KLRG1: variants seen among roughly 807,000 people sequenced by gnomAD.
The protein encoded by KLRG1 is killer cell lectin-like receptor subfamily G member 1.
Under a neutral mutation model 21.8 loss-of-function variants are expected in KLRG1, and 16 were observed. The ratio of observed to expected loss-of-function variants is 0.73; its 90% CI spans 0.50 to 1.11. The LOEUF (loss-of-function observed/expected upper bound fraction) is 1.11, where lower values mean the gene tolerates loss of function less well. Among genes scored for constraint, KLRG1 ranks in the 50% most tolerant of loss-of-function variants. The pLI is 0.00. For synonymous variants in KLRG1, 69 were observed against 75.9 expected, an observed-to-expected ratio of 0.91 and a Z score of 0.47; for missense variants, 173 against 218.3, an observed-to-expected ratio of 0.79 and a Z score of 1.31.
the KLRG1 span, among the ~76,000 whole-genome samples, chr12:9,054,124 C>T: frequency 1.3e-5 from 2 of 152,222 alleles, no homozygotes; most frequent in Admixed American, 6.5e-5. Context: ...TTATTGTGCA[C>T]TGGTCATACG....
chr12:9,191,057 A>T, the KLRG1 span, among the ~76,000 whole-genome samples: 509 of 152,260 alleles, frequency 3.3e-3, 4 homozygotes, highest in African/African-American at 0.012. Context: ...ATTTTTTCCA[A>T]TTGTTGACTC....
chr12:9,120,145 A>G, the KLRG1 span, among the ~76,000 whole-genome samples: 2 of 152,216 alleles, frequency 1.3e-5, no homozygotes, highest in African/African-American at 4.8e-5. Flanking sequence ...TTTGAATGCT[A>G]ATGGCTGAGG....
At chr12:9,099,137 A>G in the KLRG1 span, among the ~76,000 whole-genome samples, 2 of 152,154 alleles carry the variant, frequency 1.3e-5, no homozygotes, top group African/African-American at 2.4e-5. Flanking sequence ...TCATCATAGA[A>G]GAAGGGAATA....
chr12:8,969,514 T>G (rs1946533465), intron 1 of KLRG1, among the ~76,000 whole-genome samples: 1 of 151,870 alleles, frequency 6.6e-6, no homozygotes, highest in Admixed American at 6.6e-5. Flanking sequence ...GAACTTCTGG[T>G]TGAGCTCTTT....
At chr12:9,103,873 C>T in the KLRG1 span, among the ~76,000 whole-genome samples, 3 of 152,254 alleles carry the variant, frequency 2.0e-5, no homozygotes, top group East Asian at 1.9e-4. Context: ...GCTATGAACA[C>T]GGGTGTGCAA....
the KLRG1 span, among the ~76,000 whole-genome samples, chr12:9,079,015 C>T: frequency 2.0e-5 from 3 of 151,716 alleles, no homozygotes; most frequent in African/African-American, 7.3e-5. Flanking sequence ...GAAAGAAAAC[C>T]TTGGTACATT....
At chr12:9,017,313 A>G in the KLRG1 span, among the ~76,000 whole-genome samples, 7 of 151,830 alleles carry the variant, frequency 4.6e-5, no homozygotes, top group Admixed American at 2.0e-4. Flanking sequence ...AATCCCAAAC[A>G]AACAAACCCA....
chr12:9,106,629 C>G, the KLRG1 span: 1 of 1,292,326 alleles, frequency 7.7e-7, no homozygotes. Context: ...AAATAAAATA[C>G]AAAAATATAA....
the KLRG1 span, among the ~76,000 whole-genome samples, chr12:9,094,090 C>T: frequency 6.6e-6 from 1 of 151,858 alleles, no homozygotes; most frequent in African/African-American, 2.4e-5. Flanking sequence ...GACACAAGGC[C>T]GTGAAGAGGG....
chr12:9,009,311 G>C (rs1220551793), intron 4 of KLRG1, 115 bp from the exon 5 acceptor site: 1 of 1,309,888 alleles, frequency 7.6e-7, no homozygotes, highest in Non-Finnish European at 1.0e-6. Flanking sequence ...CTGTTTGGGG[G>C]AATTAGGGGC....
chr12:9,208,283 G>A, the KLRG1 span: 1 of 1,613,532 alleles, frequency 6.2e-7, no homozygotes, highest in Non-Finnish European at 8.5e-7. Flanking sequence ...TGAGTCACTG[G>A]CAGAAAGCAG....
the KLRG1 span, chr12:9,165,928 C>A: frequency 8.2e-7 from 1 of 1,218,584 alleles, no homozygotes; most frequent in Non-Finnish European, 1.1e-6. Context: ...TTAGGTCTAT[C>A]CTAAAGAGGA....
the KLRG1 span, among the ~76,000 whole-genome samples, chr12:9,041,364 A>G: frequency 6.6e-6 from 1 of 152,120 alleles, no homozygotes; most frequent in African/African-American, 2.4e-5. Flanking sequence ...ACAAAACAAA[A>G]AACTTGGTTG....
the KLRG1 span, chr12:9,196,566 C>T: frequency 6.3e-7 from 1 of 1,595,988 alleles, no homozygotes; most frequent in Non-Finnish European, 8.6e-7. Context: ...GTTCATTACT[C>T]ACACCTGTCC....
the KLRG1 span, among the ~76,000 whole-genome samples, chr12:9,164,491 C>T: frequency 5.9e-4 from 90 of 152,280 alleles, 1 homozygote; most frequent in African/African-American, 2.2e-3. Flanking sequence ...TGTGGACGTG[C>T]AGGCTTGGCA....
At chr12:9,212,551 A>G in the KLRG1 span, among the ~76,000 whole-genome samples, 4 of 152,224 alleles carry the variant, frequency 2.6e-5, no homozygotes, top group Non-Finnish European at 4.4e-5. Context: ...AGTAGTGACA[A>G]AAAACATAAC....
At chr12:9,167,177 A>G in the KLRG1 span, 1 of 152,192 alleles carries the variant, frequency 6.6e-6, no homozygotes, top group African/African-American at 2.4e-5. Flanking sequence ...TGAAATATCT[A>G]AAAGGATGAT....
downstream of KLRG1, among the ~76,000 whole-genome samples, chr12:9,013,825 G>A (rs562736761): frequency 6.6e-6 from 1 of 152,072 alleles, no homozygotes; most frequent in African/African-American, 2.4e-5. Flanking sequence ...GATGAGATTT[G>A]GGTGGGGCAT....
At chr12:9,173,599 A>G in the KLRG1 span, among the ~76,000 whole-genome samples, 2 of 152,254 alleles carry the variant, frequency 1.3e-5, no homozygotes, top group Middle Eastern at 3.4e-3. Context: ...ATAAAGAAGA[A>G]AAAAAGAAAA....
Sources: gnomAD v4.1 joint callset for allele counts (sites outside exome capture counted in the v4.1 genomes callset) on GRCh38, gnomAD v4.1.1 for gene constraint, MANE v1.5 for transcripts, NCBI Gene and HGNC (gene_info 2026-07-23, HGNC 2026-07-21) for gene names.